Variants in SRP72 observed in about 807,000 individuals in gnomAD.
The protein encoded by SRP72 is signal recognition particle subunit SRP72.
Under a neutral mutation model 96.3 loss-of-function variants are expected in SRP72, and 49 were observed. The observed-to-expected ratio is 0.51, with a 90% CI of 0.40 to 0.65. The LOEUF is 0.65. SRP72 is among the 30% of genes least tolerant of loss of function. The probability of loss-of-function intolerance (pLI) is 0.00; values close to 1 mark genes in which losing one functional copy is unlikely to be tolerated. For synonymous variants in SRP72, 267 were observed against 275.2 expected (o/e 0.97, Z 0.30); for missense variants, 736 against 793.3 (o/e 0.93, Z 0.87).
intron 17 of SRP72, among the ~76,000 whole-genome samples, chr4:56,496,661 G>A (rs10015634): frequency 0.4 from 61,441 of 151,884 alleles, 13,605 homozygotes; most frequent in East Asian, 0.66. Context: ...TCATTATAGA[G>A]TGGCCTAAAG....
intron 16 of SRP72, among the ~76,000 whole-genome samples, chr4:56,494,752 T>C (rs566829953): frequency 6.6e-6 from 1 of 152,286 alleles, no homozygotes; most frequent in East Asian, 1.9e-4. Context: ...TTTTATGCCC[T>C]TTTTAGTGCC....
At chr4:56,499,298 C>T (rs1274556380) in intron 17 of SRP72, among the ~76,000 whole-genome samples, 1 of 152,182 alleles carries the variant, frequency 6.6e-6, no homozygotes, top group Admixed American at 6.5e-5. Context: ...CTAGGCAATA[C>T]CATTCAGGAC....
intron 17 of SRP72, among the ~76,000 whole-genome samples, chr4:56,497,350 G>T (rs1284383874): frequency 6.6e-6 from 1 of 151,554 alleles, no homozygotes; most frequent in African/African-American, 2.4e-5. Flanking sequence ...CTCCCAAGTA[G>T]CTGGGACTGC....
intron 8 of SRP72, among the ~76,000 whole-genome samples, chr4:56,481,272 C>G (rs1229129154): frequency 6.6e-6 from 1 of 151,844 alleles, no homozygotes; most frequent in Non-Finnish European, 1.5e-5. Flanking sequence ...TGGTAGAAGA[C>G]CTGGTTTAAA....
chr4:56,468,536 C>G lies in SRP72; in HGVS notation c.109+792C>G, dbSNP rs185239374. 4.0e-3 allele frequency among the ~76,000 whole-genome samples: 614 copies of G among 152,086 alleles called. 7 individuals are homozygous for G. Among genetic ancestry groups the G allele is most frequent in the African/African-American group, 0.014 (587 of 41,472 alleles). On this transcript the variant is annotated intron_variant, in intron 1 of 18. Transcript: ENST00000642900. ...GCGCAGTTCTTCTCTACTGAAGATA[C>G]AGCCTGTGCATGTTAGATTTGGAAA...
chr4:56,473,968 T>G, intron 3 of SRP72, 86 bp from the exon 4 acceptor site: 1 of 1,365,542 alleles, frequency 7.3e-7, no homozygotes, highest in Non-Finnish European at 1.0e-6. Context: ...GGATTCCTAC[T>G]TAGTGGTTCC....
chr4:56,491,785 G>A (rs1190065456), intron 16 of SRP72: 1 of 401,786 alleles, frequency 2.5e-6, no homozygotes, highest in African/African-American at 2.1e-5. Context: ...TATTCCAGAA[G>A]TTTTTCTTTG....
At chr4:56,484,026 A>ATTTTTTTTTTTTTTTTTTTTTTTTTTT (rs539665243) in intron 9 of SRP72, among the ~76,000 whole-genome samples, 9 of 86,614 alleles carry the variant, frequency 1.0e-4, no homozygotes, top group East Asian at 5.4e-4. Context: ...AGAAGCAGTA[A>ATTTTTTTTTTTTTTTTTTTTTTTTTTT]TTTTTTTTTT....
chr4:56,497,598 TTTAAG>T (rs1184142854), intron 17 of SRP72, among the ~76,000 whole-genome samples: 1 of 152,172 alleles, frequency 6.6e-6, no homozygotes, highest in Non-Finnish European at 1.5e-5. Context: ...TTGATAGATA[TTTAAG>T]TTATTTTGCC....
rs1019029479 is a variant in SRP72, at chr4:56,489,467, G to T, written c.1304G>T (p.Trp435Leu). ...AIEVFTQAIQ[W>L]YQNHQPKSPA... ...GAGGTCTTCACACAAGCTATCCAGT[G>T]GTATCAAAACCATCAGGTAAATAAA... Residue 435 changes from tryptophan to leucine, a missense_variant, in exon 13 of 19, where the codon TGG becomes TTG. Physicochemically the swap from Trp to Leu is moderately conservative, Grantham distance 61. Transcript: ENST00000642900. 6.3e-7 allele frequency: 1 copy of T among 1,586,818 alleles called. No homozygotes were observed. The highest frequency in any genetic ancestry group is 1.9e-4 in the Middle Eastern group (1 of 5,320).
At chr4:56,471,120 T>G (rs1038670574) in intron 2 of SRP72, among the ~76,000 whole-genome samples, 4 of 152,200 alleles carry the variant, frequency 2.6e-5, no homozygotes, top group African/African-American at 9.7e-5. Context: ...AATTTTTTGT[T>G]AGGTAAGTAA....
intron 6 of SRP72, chr4:56,477,263 G>A (rs1008741894): frequency 2.2e-5 from 3 of 137,784 alleles, no homozygotes; most frequent in Non-Finnish European, 4.6e-5. Flanking sequence ...ATTGAAATAT[G>A]TCTCTTTTCA....
chr4:56,489,063 T>A (rs574566771), intron 12 of SRP72: 6 of 188,276 alleles, frequency 3.2e-5, no homozygotes, highest in Non-Finnish European at 5.5e-5. Flanking sequence ...GATCATACAC[T>A]TAAATGTCCA....
At chr4:56,478,752 A>G (rs1267727951) in intron 8 of SRP72, 103 bp downstream of exon 8, 11 of 1,193,216 alleles carry the variant, frequency 9.2e-6, no homozygotes, top group Non-Finnish European at 2.3e-6. Context: ...TTTTAACATG[A>G]TGAAAAAAGT....
Position 56,487,821 on chromosome 4 carries a change from G to A in SRP72, c.1160-128G>A, listed in dbSNP as rs529701482. ...AGACCCCAAAGTTTATATGTTTAGC[G>A]ATGTTACAAAACATGAGTTATGGTT... On this transcript the variant is annotated intron_variant, in intron 11 of 18. Coordinates refer to ENST00000642900, the MANE Select transcript of SRP72 (RefSeq NM_006947.4). 1.4e-5 allele frequency: 9 copies of A among 662,604 alleles called. No individual in the cohort carries two copies. The East Asian group carries it at 1.8e-4, about 13-fold the overall frequency. The allele number at this position is 662,604 out of a possible 1,614,324, so 41.0% of individuals were successfully genotyped here. A position where few individuals can be genotyped will look rare whatever the true frequency, so the allele number is the denominator to read the frequency against.
At position 56,471,700 on chromosome 4, in the gene SRP72, G is replaced by A; in HGVS notation, c.231-20G>A. On this transcript the variant is annotated intron_variant, in intron 2 of 18. Transcript: ENST00000642900. ...CATTGTTAGATAATAATCAGATACT[G>A]TTTTTTTTTCCTTCTTCAGTAACTC... 6.4e-7 allele frequency: 1 copy of A among 1,568,090 alleles called. No homozygotes were observed. Among genetic ancestry groups the A allele is most frequent in the Non-Finnish European group, 8.7e-7 (1 of 1,147,548 alleles).
chr4:56,469,791 T>C lies in SRP72; in HGVS notation c.230+18T>C. Reference sequence around the variant, plus strand: ...TTAGCCAAGTAAGTGATTCAGTTAGTTGCTTGTACAGTTATTAGAAACACT... The same window carrying C: ...TTAGCCAAGTAAGTGATTCAGTTAGCTGCTTGTACAGTTATTAGAAACACT... On this transcript the variant is annotated intron_variant, in intron 2 of 18. Coordinates refer to ENST00000642900, the MANE Select transcript of SRP72 (RefSeq NM_006947.4). 6.3e-7 allele frequency: 1 copy of C among 1,591,832 alleles called. No individual in the cohort carries two copies. The highest frequency in any genetic ancestry group is 1.1e-5 in the South Asian group (1 of 89,160).
intron 12 of SRP72, among the ~76,000 whole-genome samples, chr4:56,488,677 T>G (rs1053960920): frequency 1.3e-5 from 2 of 152,228 alleles, no homozygotes; most frequent in Non-Finnish European, 2.9e-5. Flanking sequence ...TTTCAAGGAA[T>G]GTATCCATTT....
intron 12 of SRP72, 99 bp downstream of exon 12, chr4:56,488,112 TTAAGG>T: frequency 1.3e-6 from 1 of 761,836 alleles, no homozygotes; most frequent in South Asian, 1.9e-5. Context: ...TGTATTCACT[TTAAGG>T]TAGGAGTAGT....
Sources: allele counts gnomAD v4.1 joint callset (sites outside exome capture counted in the v4.1 genomes callset), GRCh38; gene constraint gnomAD v4.1.1; transcripts MANE v1.5; gene names NCBI Gene and HGNC (gene_info 2026-07-23, HGNC 2026-07-21).